PCDHGB4: variants seen among roughly 807,000 people sequenced by gnomAD.
The protein encoded by PCDHGB4 is protocadherin gamma-B4.
In PCDHGB4, 38 loss-of-function variants were observed where a neutral mutation model predicts 60.5. That is an observed-to-expected ratio of 0.63 (90% CI 0.48 to 0.82). The LOEUF (loss-of-function observed/expected upper bound fraction) is 0.82, where lower values mean the gene tolerates loss of function less well. PCDHGB4 is among the 40% of genes least tolerant of loss of function. The pLI, the probability that PCDHGB4 is intolerant of heterozygous loss-of-function variation, is 0.00. For synonymous variants in PCDHGB4, 456 were observed against 509.7 expected (o/e 0.89, Z 1.42); for missense variants, 1,109 against 1,209.6 (o/e 0.92, Z 1.23).
intron 2 of PCDHGB4, among the ~76,000 whole-genome samples, chr5:141,496,189 G>T (rs1362938002): frequency 1.3e-5 from 2 of 152,004 alleles, no homozygotes; most frequent in African/African-American, 4.8e-5. Context: ...AGCCCCAGCT[G>T]CTCATTTCAA....
rs1265422100 is a variant in PCDHGB4 at position 141,490,199 on chromosome 5, C to A, written c.2398-4608C>A. On this transcript the variant is annotated intron_variant, in intron 1 of 3. Transcript: ENST00000519479. This position sits in a 1 kb window ranked among gnomAD's most constrained non-coding sequence, Gnocchi z 5.4. The stretch of plus-strand genomic sequence containing the variant: ...GAGTCACGTTTCTATGAAATTCATG[C>A]AAGAGCCCGTGACCAGGGACAGCCT... The A allele has an allele frequency of 1.9e-6, 3 of 1,614,184 alleles. No homozygotes were observed. The highest frequency in any genetic ancestry group is 2.5e-6 in the Non-Finnish European group (3 of 1,180,024).
chr5:141,468,093 G>C (rs1319825848), intron 1 of PCDHGB4, among the ~76,000 whole-genome samples: 2 of 152,112 alleles, frequency 1.3e-5, no homozygotes, highest in Non-Finnish European at 2.9e-5. Flanking sequence ...GGGAGGTTGA[G>C]GCAGGCAGAT....
intron 1 of PCDHGB4, 169 bp downstream of exon 1, chr5:141,390,450 T>A: frequency 1.2e-6 from 1 of 822,586 alleles, no homozygotes; most frequent in Non-Finnish European, 1.9e-6. Context: ...AAAGGAGGAG[T>A]AAAGTAGGAG....
At position 141,476,477 on chromosome 5, in the gene PCDHGB4, G is replaced by A; in HGVS notation, c.2398-18330G>A. 1.2e-6 allele frequency: 2 copies of A among 1,614,078 alleles called. No individual in the cohort carries two copies. Among genetic ancestry groups the A allele is most frequent in the South Asian group, 1.1e-5 (1 of 91,070 alleles). ...GGAGAACCCGCTGGAGCTGTTCAGC[G>A]TGGAAGTGGTGATCCAGGACATCAA... On this transcript the variant is annotated intron_variant, in intron 1 of 3. Transcript: ENST00000519479. This position sits in a 1 kb window ranked among gnomAD's most constrained non-coding sequence, Gnocchi z 7.6.
chr5:141,419,115 A>G (rs1159582360), intron 1 of PCDHGB4: 1 of 1,613,872 alleles, frequency 6.2e-7, no homozygotes, highest in Non-Finnish European at 8.5e-7. Flanking sequence ...CCAGAGTACA[A>G]CGTCACCATC....
chr5:141,415,649 A>G (rs1179309556), intron 1 of PCDHGB4: 1 of 1,597,606 alleles, frequency 6.3e-7, no homozygotes, highest in Non-Finnish European at 8.5e-7. Context: ...GTTAAAAAAA[A>G]AAAGATTGGT....
intron 1 of PCDHGB4, among the ~76,000 whole-genome samples, chr5:141,469,403 C>T (rs902543178): frequency 4.6e-5 from 7 of 152,060 alleles, no homozygotes; most frequent in South Asian, 2.1e-4. Context: ...GGTGAAACCC[C>T]GTTTCTACTA....
Position 141,494,855 on chromosome 5 carries a change from G to A in PCDHGB4, c.2446G>A (p.Gly816Ser), listed in dbSNP as rs200418116. The A allele has an allele frequency of 4.8e-4, 774 of 1,614,092 alleles. 7 individuals carry two copies. The South Asian group carries it at 5.1e-3, about 11-fold the overall frequency. ...GCGTTTCTCTCAGGCCCAGAGACCC[G>A]GCACCAGCGGGTAGGTGACTGATTC... is the stretch of plus-strand genomic sequence containing the variant. ...DWRFSQAQRP[G>S]TSGSQNGDDT... Residue 816 changes from glycine (G) to serine (S), a missense_variant, in exon 2 of 4, where the codon GGC becomes AGC. This residue lies in a region of PCDHGB4 where 1,068 missense variants were observed against 1,089.9 expected (regional missense o/e 0.98). Coordinates refer to ENST00000519479, the MANE Select transcript of PCDHGB4 (RefSeq NM_003736.4).
chr5:141,487,748 T>A lies in PCDHGB4; in HGVS notation c.2398-7059T>A, dbSNP rs1458153935. ...TGTCACCATTTTTGTAAGAGGTAACTATGTGGTAGACGCTGTGCTTTGTAA... is the reference window on the plus strand; with the variant it reads ...TGTCACCATTTTTGTAAGAGGTAACAATGTGGTAGACGCTGTGCTTTGTAA... On this transcript the variant is annotated intron_variant, in intron 1 of 3. Transcript: ENST00000519479. This position sits in a 1 kb window ranked among gnomAD's most constrained non-coding sequence, Gnocchi z 5.0. 6.4e-7 allele frequency: 1 copy of A among 1,557,554 alleles called. No homozygotes were observed. The highest frequency in any genetic ancestry group is 1.2e-5 in the South Asian group (1 of 84,814).
At position 141,431,516 on chromosome 5, in the gene PCDHGB4, G is replaced by C. The variant is rs941913367; in HGVS notation, c.2397+41235G>C. 3.1e-6 allele frequency: 5 copies of C among 1,613,954 alleles called. No homozygotes were observed. In the African/African-American group the frequency reaches 6.7e-5, roughly 22 times the overall value. On this transcript the variant is annotated intron_variant, in intron 1 of 3. Coordinates refer to ENST00000519479, the MANE Select transcript of PCDHGB4 (RefSeq NM_003736.4). This position sits in a 1 kb window ranked among gnomAD's most constrained non-coding sequence, Gnocchi z 4.8. ...GCCCGAGTACCGCGCGAGCGTTCCG[G>C]AGAATCTGGCCTTGGGCACGCAGCT... is the stretch of plus-strand genomic sequence containing the variant.
rs1046764113 is a variant in PCDHGB4, at chr5:141,495,395, G to A, written c.2456+530G>A. Among the ~76,000 whole-genome samples the A allele has an allele frequency of 4.1e-4, 62 of 152,326 alleles. 1 individual carries two copies. The highest frequency in any genetic ancestry group is 1.4e-3 in the African/African-American group (57 of 41,576). On this transcript the variant is annotated intron_variant, in intron 2 of 3. Transcript: ENST00000519479. Reference sequence around the variant, plus strand: ...GAGGAAGGACTGGGCGGGGCATGGAGCAGGCCCCCTTCTCCGGCCCCTCCT... The same window carrying A: ...GAGGAAGGACTGGGCGGGGCATGGAACAGGCCCCCTTCTCCGGCCCCTCCT...
chr5:141,433,208 C>CA, intron 1 of PCDHGB4: 1 of 1,293,080 alleles, frequency 7.7e-7, no homozygotes, highest in Non-Finnish European at 1.1e-6. Context: ...AATCTTCTTT[C>CA]TTTTTTTTTT....
chr5:141,392,794 G>A (rs1002894691), intron 1 of PCDHGB4: 2 of 1,563,344 alleles, frequency 1.3e-6, no homozygotes, highest in African/African-American at 1.4e-5. Flanking sequence ...ATTCTGAGAG[G>A]ATTCTGCAGC....
At chr5:141,408,600 T>C (rs761951478) in intron 1 of PCDHGB4, 7 of 1,613,998 alleles carry the variant, frequency 4.3e-6, no homozygotes, top group Non-Finnish European at 4.2e-6. Flanking sequence ...GCCCCTCAAT[T>C]TGATAAAAAG....
intron 1 of PCDHGB4, among the ~76,000 whole-genome samples, chr5:141,461,978 C>T (rs888687367): frequency 2.6e-5 from 4 of 152,216 alleles, no homozygotes; most frequent in African/African-American, 9.6e-5. Flanking sequence ...CATATGCCAC[C>T]ACGCCAGGCT....
chr5:141,403,262 G>C (rs1162911439), intron 1 of PCDHGB4: 1 of 1,613,868 alleles, frequency 6.2e-7, no homozygotes, highest in Middle Eastern at 1.6e-4. Context: ...GCGGTGTCTG[G>C]TGAACTTTAA....
chr5:141,434,784 A>C (rs967716221), intron 1 of PCDHGB4, among the ~76,000 whole-genome samples: 1 of 150,278 alleles, frequency 6.7e-6, no homozygotes, highest in African/African-American at 2.5e-5. Flanking sequence ...AAAAAAAAAA[A>C]TTTTTTTTTC....
In PCDHGB4 at chr5:141,423,272, T is replaced by C. The variant is rs372798900; in HGVS notation, c.2397+32991T>C. On this transcript the variant is annotated intron_variant, in intron 1 of 3. Coordinates refer to ENST00000519479, the MANE Select transcript of PCDHGB4 (RefSeq NM_003736.4). ...GCGGACCTCGGCAGCCTCGAGTCTC[T>C]GGCTAACTCTGAAACCTCAGACCTC... 36 of 1,613,586 alleles carry C rather than the reference T, an allele frequency of 2.2e-5. No individual in the cohort carries two copies. In the African/African-American group the frequency reaches 4.4e-4, roughly 20 times the overall value.
intron 1 of PCDHGB4, among the ~76,000 whole-genome samples, chr5:141,463,346 C>G (rs963070531): frequency 6.7e-6 from 1 of 150,312 alleles, no homozygotes; most frequent in Non-Finnish European, 1.5e-5. Context: ...TGGTGTTATT[C>G]TTGGATTTCC....
Sources: gnomAD v4.1 joint callset for allele counts (sites outside exome capture counted in the v4.1 genomes callset) on GRCh38, gnomAD v4.1.1 for gene constraint, gnomAD v4.1.1 regional missense constraint, Gnocchi (gnomAD v3.1) non-coding constraint, MANE v1.5 for transcripts, NCBI Gene and HGNC (gene_info 2026-07-23, HGNC 2026-07-21) for gene names.